FHIP2A: variants seen among roughly 807,000 people sequenced by gnomAD.
The protein encoded by FHIP2A is FHF complex subunit HOOK interacting protein 2A, also known as family with sequence similarity 160 member B1.
FHIP2A carries 46 observed loss-of-function variants against 93.5 expected under a neutral mutation model. The ratio of observed to expected loss-of-function variants is 0.49; its 90% CI spans 0.39 to 0.63. The LOEUF is 0.63. Ranked by LOEUF, FHIP2A falls within the 20% of genes least tolerant of loss-of-function variation. The pLI is 0.00. For synonymous variants in FHIP2A, 332 were observed against 326.5 expected (o/e 1.02, Z -0.18); for missense variants, 769 against 909.7 (o/e 0.85, Z 1.99).
At chr10:114,879,431 C>T (rs904321718) in intron 16 of FHIP2A, among the ~76,000 whole-genome samples, 2 of 152,044 alleles carry the variant, frequency 1.3e-5, no homozygotes, top group African/African-American at 4.8e-5. Flanking sequence ...TATACCACAG[C>T]CAGATGAATA....
intron 16 of FHIP2A, among the ~76,000 whole-genome samples, chr10:114,899,183 A>C (rs1354701314): frequency 6.6e-6 from 1 of 152,218 alleles, no homozygotes; most frequent in African/African-American, 2.4e-5. Context: ...ACAGAAAGAA[A>C]ACATTGTTAT....
At chr10:114,890,046 G>A (rs953268795) in intron 16 of FHIP2A, among the ~76,000 whole-genome samples, 2 of 146,880 alleles carry the variant, frequency 1.4e-5, no homozygotes, top group Non-Finnish European at 3.0e-5. Flanking sequence ...CTTTTTTTTT[G>A]AGACAGAGTT....
At chr10:114,887,434 C>T (rs1203992594) in intron 16 of FHIP2A, among the ~76,000 whole-genome samples, 1 of 152,192 alleles carries the variant, frequency 6.6e-6, no homozygotes, top group East Asian at 1.9e-4. Context: ...TGAATTCTTA[C>T]AAAAACCCTA....
chr10:114,829,096 G>C (rs1195150380), intron 1 of FHIP2A, among the ~76,000 whole-genome samples: 1 of 152,194 alleles, frequency 6.6e-6, no homozygotes, highest in Admixed American at 6.5e-5. Context: ...TAGGTCATCT[G>C]TTTAGAGGAA....
intron 16 of FHIP2A, among the ~76,000 whole-genome samples, chr10:114,880,531 A>G (rs2083911499): frequency 6.6e-6 from 1 of 152,080 alleles, no homozygotes; most frequent in Non-Finnish European, 1.5e-5. Flanking sequence ...ATACAAAAAA[A>G]TAGCCAGGTG....
At chr10:114,874,022 G>A (rs2083872131) in intron 16 of FHIP2A, among the ~76,000 whole-genome samples, 2 of 152,020 alleles carry the variant, frequency 1.3e-5, no homozygotes, top group East Asian at 1.9e-4. Context: ...CCAGATAGCC[G>A]AGGAAAGGGT....
rs1226516747 is a variant in FHIP2A, at chr10:114,843,143, A to G, written c.733A>G (p.Thr245Ala). The change falls in exon 6 of 17, where the codon ACC becomes GCC. Residue 245 changes from threonine (T) to alanine (A), a missense_variant. Physicochemically the swap from Thr to Ala is moderately conservative, Grantham distance 58 (BLOSUM62 0). Transcript: ENST00000369248. ...CACAAGCTTGGATAACCTCAGTGTC[A>G]CCTCACTGCCAGAGGCCTCGGTTGT... is the stretch of plus-strand genomic sequence containing the variant. ...LSTSLDNLSVTSLPEASVVCP... is the reference protein window; with the variant it reads ...LSTSLDNLSVASLPEASVVCP... 6.2e-7 allele frequency: 1 copy of G among 1,613,952 alleles called. No individual in the cohort carries two copies. Among genetic ancestry groups the G allele is most frequent in the Non-Finnish European group, 8.5e-7 (1 of 1,179,872 alleles).
chr10:114,830,825 A>C, intron 1 of FHIP2A, 27 bp from the exon 2 acceptor site: 1 of 1,510,382 alleles, frequency 6.6e-7, no homozygotes, highest in Non-Finnish European at 9.1e-7. Flanking sequence ...CCATTTTCTT[A>C]ATTGTTGTGG....
chr10:114,869,948 G>A lies in FHIP2A; in HGVS notation c.2192+8614G>A, dbSNP rs547254532. Among the ~76,000 whole-genome samples the A allele has an allele frequency of 4.6e-5, 7 of 152,222 alleles. No homozygotes were observed. In the East Asian group the frequency reaches 7.7e-4, roughly 17 times the overall value. ...CAGAAATTGCTGATATACATCTTGC[G>A]AAGTAGTGTTGCTCATTATCATTTT... On this transcript the variant is annotated intron_variant, in intron 16 of 16. Coordinates refer to the FHIP2A transcript ENST00000369250.
chr10:114,850,650 T>C (rs544732102), intron 13 of FHIP2A, among the ~76,000 whole-genome samples: 2 of 152,274 alleles, frequency 1.3e-5, no homozygotes, highest in South Asian at 4.2e-4. Context: ...CAGTGAGCTA[T>C]GATGGTGACA....
intron 13 of FHIP2A, among the ~76,000 whole-genome samples, chr10:114,854,591 C>T (rs2083756177): frequency 1.3e-5 from 2 of 152,104 alleles, no homozygotes; most frequent in Admixed American, 6.5e-5. Flanking sequence ...AGACATAAAA[C>T]TCTTCATAGT....
intron 16 of FHIP2A, among the ~76,000 whole-genome samples, chr10:114,891,453 A>G (rs1006055384): frequency 6.6e-6 from 1 of 151,852 alleles, no homozygotes; most frequent in African/African-American, 2.4e-5. Context: ...ATTTTCCATA[A>G]TACAGAGATT....
At chr10:114,838,649 A>T (rs1252870343) in intron 5 of FHIP2A, among the ~76,000 whole-genome samples, 1 of 152,194 alleles carries the variant, frequency 6.6e-6, no homozygotes, top group Admixed American at 6.5e-5. Flanking sequence ...TTAAGCCTGG[A>T]GAATTTCTTT....
At chr10:114,859,307 T>G (rs767774295) in intron 14 of FHIP2A, among the ~76,000 whole-genome samples, 1 of 152,180 alleles carries the variant, frequency 6.6e-6, no homozygotes, top group Non-Finnish European at 1.5e-5. Context: ...TTTCAAAAGA[T>G]AGTAAAATGC....
intron 5 of FHIP2A, among the ~76,000 whole-genome samples, chr10:114,841,876 T>C (rs1458225680): frequency 6.6e-6 from 1 of 152,214 alleles, no homozygotes; most frequent in South Asian, 2.1e-4. Context: ...TCTGCTCTTA[T>C]GTTCAAATGG....
chr10:114,862,844 C>CA lies in FHIP2A; in HGVS notation c.*1305dup. On this transcript the variant is annotated 3_prime_UTR_variant, in exon 17 of 17. Coordinates refer to ENST00000369248, the MANE Select transcript of FHIP2A (RefSeq NM_020940.4). ...TTCCATTTACTGATATTTGGGGGAA[C>CA]AGGCTATCAAAGGTTCCGGCTTGAA... 1 of 985,454 alleles carries CA rather than the reference C, an allele frequency of 1.0e-6. No individual in the cohort carries two copies. Among genetic ancestry groups the CA allele is most frequent in the African/African-American group, 1.7e-5 (1 of 57,370 alleles). The allele number at this position is 985,454 out of a possible 1,614,324, so 61.0% of individuals were successfully genotyped here. A position where few individuals can be genotyped will look rare whatever the true frequency, so the allele number is the denominator to read the frequency against.
At chr10:114,879,816 G>C (rs993046764) in intron 16 of FHIP2A, among the ~76,000 whole-genome samples, 9 of 152,120 alleles carry the variant, frequency 5.9e-5, no homozygotes, top group Non-Finnish European at 1.3e-4. Flanking sequence ...AGCTTCCTTC[G>C]AGCCAATATT....
intron 5 of FHIP2A, among the ~76,000 whole-genome samples, chr10:114,839,206 C>A (rs1398916175): frequency 6.6e-6 from 1 of 152,130 alleles, no homozygotes; most frequent in Non-Finnish European, 1.5e-5. Context: ...CGGCTCACTG[C>A]AGCCTCTGCC....
intron 1 of FHIP2A, among the ~76,000 whole-genome samples, chr10:114,824,599 C>T (rs2083562843): frequency 6.6e-6 from 1 of 152,026 alleles, no homozygotes; most frequent in African/African-American, 2.4e-5. Context: ...TTTTTTCCCC[C>T]CTTTTAACAT....
Sources: gnomAD v4.1 joint callset for allele counts (sites outside exome capture counted in the v4.1 genomes callset) on GRCh38, gnomAD v4.1.1 for gene constraint, MANE v1.5 for transcripts, NCBI Gene and HGNC (gene_info 2026-07-23, HGNC 2026-07-21) for gene names.